Variants in NCBP1 observed in about 807,000 individuals in gnomAD.
NCBP1 encodes nuclear cap-binding protein subunit 1.
Under a neutral mutation model 111.7 loss-of-function variants are expected in NCBP1, and 16 were observed. That is an observed-to-expected ratio of 0.14 (90% CI 0.10 to 0.22). The LOEUF is 0.22. NCBP1 is among the 10% of genes least tolerant of loss of function. NCBP1 has a pLI of 1.00. For missense variants in NCBP1, 607 were observed against 957.5 expected (o/e 0.63, Z 4.83); for synonymous variants, 304 against 314.3 (o/e 0.97, Z 0.35).
At chr9:97,637,104 A>G (rs1398313998) in intron 1 of NCBP1, among the ~76,000 whole-genome samples, 1 of 152,150 alleles carries the variant, frequency 6.6e-6, no homozygotes, top group East Asian at 1.9e-4. Context: ...TGTAGGAGAT[A>G]AGATTAGAGA....
chr9:97,653,714 C>A, intron 10 of NCBP1, 84 bp from the exon 11 acceptor site: 2 of 954,728 alleles, frequency 2.1e-6, no homozygotes, highest in South Asian at 1.6e-5. Context: ...GGAGTTAGAG[C>A]TCAGATTTAG....
At chr9:97,667,982 G>A (rs1213123485) in intron 20 of NCBP1, among the ~76,000 whole-genome samples, 1 of 152,194 alleles carries the variant, frequency 6.6e-6, no homozygotes, top group Non-Finnish European at 1.5e-5. Flanking sequence ...TAAATGGGCT[G>A]TGTTTATAGA....
intron 18 of NCBP1, among the ~76,000 whole-genome samples, chr9:97,664,004 C>T (rs910887670): frequency 5.9e-5 from 9 of 151,554 alleles, no homozygotes; most frequent in African/African-American, 2.2e-4. Flanking sequence ...TACAGTGAAA[C>T]CCCGTCTATA....
At chr9:97,667,079 T>C (rs1828027222) in intron 20 of NCBP1, among the ~76,000 whole-genome samples, 1 of 152,184 alleles carries the variant, frequency 6.6e-6, no homozygotes, top group Non-Finnish European at 1.5e-5. Flanking sequence ...TTACACTGCA[T>C]GATGAACCAG....
intron 8 of NCBP1, among the ~76,000 whole-genome samples, chr9:97,650,295 G>A (rs1251634075): frequency 6.6e-6 from 1 of 152,140 alleles, no homozygotes; most frequent in African/African-American, 2.4e-5. Flanking sequence ...ATGAGATGTG[G>A]TAGAAAAAAC....
At chr9:97,636,660 A>ATATATATG (rs1827048375) in intron 1 of NCBP1, among the ~76,000 whole-genome samples, 1 of 139,134 alleles carries the variant, frequency 7.2e-6, no homozygotes, top group Non-Finnish European at 1.5e-5. Flanking sequence ...ATATATATAT[A>ATATATATG]TATATATATA....
intron 14 of NCBP1, 54 bp downstream of exon 14, chr9:97,656,139 TCTC>T: frequency 2.2e-6 from 3 of 1,368,418 alleles, no homozygotes; most frequent in East Asian, 2.3e-5. Flanking sequence ...TTCTTTCTCT[TCTC>T]TGCACTTGTG....
chr9:97,671,872 C>T lies in NCBP1; in HGVS notation c.*673C>T, dbSNP rs1354864418. 6.6e-6 allele frequency: 1 copy of T among 152,158 alleles called. No homozygotes were observed. Among genetic ancestry groups the T allele is most frequent in the Non-Finnish European group, 1.5e-5 (1 of 68,040 alleles). 9.4% of individuals were successfully genotyped at this position (152,158 alleles called of 1,614,324 possible). ...TTTAAACCACCGTCTGGGGGTGGAA[C>T]GCAGACATCCTCAGTAATCCTTAAA... On this transcript the variant is annotated 3_prime_UTR_variant, in exon 23 of 23. Coordinates refer to ENST00000375147, the MANE Select transcript of NCBP1 (RefSeq NM_002486.5).
chr9:97,660,868 T>C (rs1254872203), intron 15 of NCBP1, 78 bp from the exon 16 acceptor site: 17 of 1,475,364 alleles, frequency 1.2e-5, no homozygotes, highest in East Asian at 2.4e-5. Flanking sequence ...AAAAAATTTT[T>C]CTCAGTTATT....
chr9:97,651,752 T>C (rs1294099465), intron 10 of NCBP1, among the ~76,000 whole-genome samples: 1 of 152,188 alleles, frequency 6.6e-6, no homozygotes, highest in Non-Finnish European at 1.5e-5. Context: ...AACATATCTT[T>C]AATTGTGTTT....
intron 20 of NCBP1, among the ~76,000 whole-genome samples, chr9:97,667,354 A>G (rs1334856239): frequency 6.6e-6 from 1 of 152,214 alleles, no homozygotes; most frequent in African/African-American, 2.4e-5. Context: ...GTGACTTAAC[A>G]TGATACTACT....
At chr9:97,654,236 C>T (rs1307412062) in intron 11 of NCBP1, among the ~76,000 whole-genome samples, 1 of 152,128 alleles carries the variant, frequency 6.6e-6, no homozygotes, top group East Asian at 1.9e-4. Context: ...CACAGTAGAA[C>T]TTCTTTCAGA....
intron 13 of NCBP1, 28 bp from the exon 14 acceptor site, chr9:97,655,983 C>T (rs1347947340): frequency 6.3e-7 from 1 of 1,584,932 alleles, no homozygotes; most frequent in South Asian, 1.1e-5. Flanking sequence ...TATATGTAAG[C>T]ATTGATAAAA....
At position 97,651,368 on chromosome 9, in the gene NCBP1, G is replaced by A. The variant is rs146487190; in HGVS notation, c.1054G>A (p.Val352Ile). ...KNKIPLNYHIVEVIFAELFQL... is the reference protein window; with the variant it reads ...KNKIPLNYHIIEVIFAELFQL... ...CAAGATCCCCTTGAACTACCACATA[G>A]TTGAGGTATGAATTCCATGTGGAGC... Residue 352 changes from valine (V) to isoleucine (I), a missense_variant, in exon 10 of 23, where the codon GTT (valine) becomes ATT (isoleucine). Coordinates refer to ENST00000375147, the MANE Select transcript of NCBP1 (RefSeq NM_002486.5). 171 of 1,612,532 alleles carry A rather than the reference G, an allele frequency of 1.1e-4. No individual in the cohort carries two copies. The highest frequency in any genetic ancestry group is 1.4e-4 in the Non-Finnish European group (163 of 1,179,210).
At position 97,668,959 on chromosome 9, in the gene NCBP1, C is replaced by T; in HGVS notation, c.2130C>T (p.Phe710=). 3.1e-6 allele frequency: 5 copies of T among 1,609,630 alleles called. No homozygotes were observed. The highest frequency in any genetic ancestry group is 4.2e-6 in the Non-Finnish European group (5 of 1,177,922). ...CTCAGAGTGAACAAAAGAATCTTTTCCTCGTTATATTTCAGGTATCTTGGC... is the reference window on the plus strand; with the variant it reads ...CTCAGAGTGAACAAAAGAATCTTTTTCTCGTTATATTTCAGGTATCTTGGC... ...ESAQSEQKNL[F]LVIFQRFIMI... is the part of the protein sequence containing the mutation. The change falls in exon 21 of 23, where the codon TTC becomes TTT. Residue 710 remains phenylalanine (F), a synonymous_variant. Coordinates refer to ENST00000375147, the MANE Select transcript of NCBP1 (RefSeq NM_002486.5).
At chr9:97,636,100 G>T (rs1827017967) in intron 1 of NCBP1, 1 of 152,106 alleles carries the variant, frequency 6.6e-6, no homozygotes. Context: ...TTTTATGGTT[G>T]ATATTTTAGT....
chr9:97,649,910 C>A (rs780494130), intron 8 of NCBP1, among the ~76,000 whole-genome samples: 11 of 151,878 alleles, frequency 7.2e-5, no homozygotes, highest in Non-Finnish European at 1.2e-4. Context: ...TGTTTCTGTT[C>A]TGGCCTTTTA....
At chr9:97,639,680 G>C (rs1409657325) in intron 1 of NCBP1, among the ~76,000 whole-genome samples, 3 of 152,128 alleles carry the variant, frequency 2.0e-5, no homozygotes, top group African/African-American at 7.2e-5. Context: ...GATTGTATTA[G>C]ACTAGCCAAA....
chr9:97,636,435 G>T (rs1477392862), intron 1 of NCBP1, among the ~76,000 whole-genome samples: 1 of 147,688 alleles, frequency 6.8e-6, no homozygotes, highest in Non-Finnish European at 1.5e-5. Context: ...TATATATAGA[G>T]TGTGTGTATA....
Sources: allele counts gnomAD v4.1 joint callset (sites outside exome capture counted in the v4.1 genomes callset), GRCh38; gene constraint gnomAD v4.1.1; transcripts MANE v1.5; gene names NCBI Gene and HGNC (gene_info 2026-07-23, HGNC 2026-07-21).